MACROD2: variants seen among roughly 807,000 people sequenced by gnomAD.
MACROD2 encodes the protein ADP-ribose glycohydrolase MACROD2.
MACROD2 carries 36 observed loss-of-function variants against 70.4 expected under a neutral mutation model. That is an observed-to-expected ratio of 0.51 (90% CI 0.39 to 0.68). The LOEUF (loss-of-function observed/expected upper bound fraction) is 0.68, where lower values mean the gene tolerates loss of function less well. Ranked by LOEUF, MACROD2 falls within the 30% of genes least tolerant of loss-of-function variation. MACROD2 has a pLI of 0.00. For missense variants in MACROD2, 496 were observed against 538.4 expected (o/e 0.92, Z 0.78); for synonymous variants, 172 against 178.8 (o/e 0.96, Z 0.30).
chr20:14,931,905 G>T (rs962895827), intron 5 of MACROD2, among the ~76,000 whole-genome samples: 2 of 151,554 alleles, frequency 1.3e-5, no homozygotes, highest in African/African-American at 2.4e-5. Flanking sequence ...GGGAGGCTGA[G>T]CTGGGAGGAT....
At chr20:14,259,366 A>G (rs2082084043) in intron 3 of MACROD2, among the ~76,000 whole-genome samples, 1 of 152,234 alleles carries the variant, frequency 6.6e-6, no homozygotes. Flanking sequence ...TTTAAATTTT[A>G]TAATTTGATT....
intron 15 of MACROD2, among the ~76,000 whole-genome samples, chr20:16,022,805 T>C (rs933526310): frequency 1.3e-5 from 2 of 152,188 alleles, no homozygotes; most frequent in Non-Finnish European, 2.9e-5. Context: ...ATTTCAGAGC[T>C]ATATTATAAG....
intron 5 of MACROD2, among the ~76,000 whole-genome samples, chr20:15,224,348 A>G (rs1447389110): frequency 6.6e-6 from 1 of 152,228 alleles, no homozygotes; most frequent in Non-Finnish European, 1.5e-5. Flanking sequence ...CATGACAAAC[A>G]TGCCAAAATG....
intron 7 of MACROD2, 28 bp downstream of exon 7, chr20:15,431,463 TG>T (rs1025168102): frequency 1.9e-6 from 3 of 1,601,884 alleles, no homozygotes; most frequent in Non-Finnish European, 2.6e-6. Context: ...TGATGATGTT[TG>T]TATTTCTTTA....
intron 3 of MACROD2, among the ~76,000 whole-genome samples, chr20:14,425,288 CTCT>C (rs1410297020): frequency 6.6e-6 from 1 of 152,118 alleles, no homozygotes; most frequent in Non-Finnish European, 1.5e-5. Flanking sequence ...GATAATTTGT[CTCT>C]TCTTTCTCTC....
intron 5 of MACROD2, among the ~76,000 whole-genome samples, chr20:15,216,672 G>A (rs192181566): frequency 3.9e-5 from 6 of 152,198 alleles, no homozygotes; most frequent in African/African-American, 7.2e-5. Context: ...CCCTCACGAC[G>A]GTAAGCTGAC....
intron 5 of MACROD2, among the ~76,000 whole-genome samples, chr20:14,992,271 G>A (rs2074911205): frequency 6.6e-6 from 1 of 152,136 alleles, no homozygotes. Flanking sequence ...CAGAACTGAT[G>A]TTCTTGCTCA....
chr20:14,542,193 C>A (rs2085441884), intron 4 of MACROD2, among the ~76,000 whole-genome samples: 1 of 152,204 alleles, frequency 6.6e-6, no homozygotes, highest in South Asian at 2.1e-4. Context: ...TTGTCTTTCC[C>A]TCACCGCACT....
intron 8 of MACROD2, among the ~76,000 whole-genome samples, chr20:15,667,660 C>T (rs1314061993): frequency 8.5e-5 from 13 of 152,162 alleles, no homozygotes; most frequent in Admixed American, 8.5e-4. Context: ...TACATATCAT[C>T]TAATACCCAG....
At chr20:14,685,706 A>G (rs919006787) in intron 5 of MACROD2, among the ~76,000 whole-genome samples, 1 of 152,296 alleles carries the variant, frequency 6.6e-6, no homozygotes, top group Admixed American at 6.5e-5. Flanking sequence ...TTGCATCATT[A>G]AGGTGTGTAT....
At chr20:14,828,956 C>CTTTTTTTTT (rs200464102) in intron 5 of MACROD2, among the ~76,000 whole-genome samples, 1 of 140,332 alleles carries the variant, frequency 7.1e-6, no homozygotes, top group Non-Finnish European at 1.6e-5. Flanking sequence ...TTTTTTCCTT[C>CTTTTTTTTT]TTTTTTTTTT....
At chr20:14,662,723 C>G (rs1600512539) in intron 4 of MACROD2, among the ~76,000 whole-genome samples, 2 of 151,652 alleles carry the variant, frequency 1.3e-5, no homozygotes, top group Admixed American at 1.3e-4. Flanking sequence ...GAACAACAAT[C>G]ATATGAATAA....
chr20:14,510,995 T>C lies in MACROD2; in HGVS notation c.301+17487T>C, dbSNP rs144926868. ...CTGAACTGCAGGTTGGTAAATGTTTTTTTGGTAAGTCAGGAGATAATTTAA... is the reference window on the plus strand; with the variant it reads ...CTGAACTGCAGGTTGGTAAATGTTTCTTTGGTAAGTCAGGAGATAATTTAA... On this transcript the variant is annotated intron_variant, in intron 4 of 17. Coordinates refer to ENST00000684519, the MANE Select transcript of MACROD2 (RefSeq NM_001351661.2). Among the ~76,000 whole-genome samples the C allele has an allele frequency of 3.6e-3, 552 of 151,994 alleles. 1 individual carries two copies. The highest frequency in any genetic ancestry group is 0.012 in the African/African-American group (508 of 41,472).
At chr20:15,305,937 C>G (rs2077693632) in intron 6 of MACROD2, among the ~76,000 whole-genome samples, 1 of 152,122 alleles carries the variant, frequency 6.6e-6, no homozygotes, top group Non-Finnish European at 1.5e-5. Flanking sequence ...TTGATTTGCT[C>G]TTTTCTCATT....
At chr20:14,435,734 T>C (rs1396489159) in intron 3 of MACROD2, among the ~76,000 whole-genome samples, 1 of 151,642 alleles carries the variant, frequency 6.6e-6, no homozygotes, top group Non-Finnish European at 1.5e-5. Context: ...TGACATAGGA[T>C]CTTGCTCTGT....
chr20:15,713,374 T>A (rs1385778578), intron 8 of MACROD2, among the ~76,000 whole-genome samples: 1 of 152,200 alleles, frequency 6.6e-6, no homozygotes, highest in Non-Finnish European at 1.5e-5. Flanking sequence ...CTCACACTGA[T>A]GTAAAGAAGT....
At position 15,097,465 on chromosome 20, in the gene MACROD2, A is replaced by G. The variant is rs553217407; in HGVS notation, c.419-132475A>G. ...TTTCTTCTATTTTATTGCCACTAAT[A>G]TAGCATAACAGATGTCTTTCAGATG... On this transcript the variant is annotated intron_variant, in intron 5 of 17. Coordinates refer to ENST00000684519, the MANE Select transcript of MACROD2 (RefSeq NM_001351661.2). 9.1e-4 allele frequency among the ~76,000 whole-genome samples: 139 copies of G among 152,344 alleles called. No homozygotes were observed. In the South Asian group the frequency reaches 0.025, roughly 28 times the overall value.
chr20:15,257,201 C>T (rs4813173), intron 6 of MACROD2, among the ~76,000 whole-genome samples: 67,842 of 151,590 alleles, frequency 0.45, 16,941 homozygotes, highest in African/African-American at 0.66. Context: ...ACCTGTGAAA[C>T]ACCAGATGAG....
chr20:15,519,064 T>A (rs1568863378), intron 8 of MACROD2, among the ~76,000 whole-genome samples: 1 of 73,526 alleles, frequency 1.4e-5, no homozygotes, highest in East Asian at 2.8e-4. Context: ...CTTTCCTTCC[T>A]TCCTTCCTTC....
Sources: allele counts gnomAD v4.1 joint callset (sites outside exome capture counted in the v4.1 genomes callset), GRCh38; gene constraint gnomAD v4.1.1; transcripts MANE v1.5; gene names NCBI Gene and HGNC (gene_info 2026-07-23, HGNC 2026-07-21).